Variants in ATP8B3 observed in about 807,000 individuals in gnomAD.
The protein encoded by ATP8B3 is ATPase phospholipid transporting 8B3, also known as phospholipid-transporting ATPase IK.
ATP8B3 carries 141 observed loss-of-function variants against 140.9 expected under a neutral mutation model. The ratio of observed to expected loss-of-function variants is 1.00; its 90% CI spans 0.87 to 1.15. ATP8B3 has a LOEUF of 1.15. ATP8B3 is among the 50% of genes most tolerant of loss of function. ATP8B3 has a pLI of 0.00. For missense variants in ATP8B3, 1,874 were observed against 1,740.6 expected (o/e 1.08, Z -1.36); for synonymous variants, 765 against 714.6 (o/e 1.07, Z -1.13).
intron 20 of ATP8B3, among the ~76,000 whole-genome samples, chr19:1,791,383 T>A (rs1278421662): frequency 7.5e-6 from 1 of 132,956 alleles, no homozygotes; most frequent in Non-Finnish European, 1.6e-5. Context: ...CTCTGAGAGT[T>A]GCAGCATTTT....
In ATP8B3 at chr19:1,800,719, G is replaced by A. The variant is rs1429798886; in HGVS notation, c.1153-270C>T. On this transcript the variant is annotated intron_variant, in intron 12 of 28. Coordinates refer to ENST00000310127, the MANE Select transcript of ATP8B3 (RefSeq NM_138813.4). The surrounding 1 kb of genome is among the most constrained non-coding windows in gnomAD (Gnocchi z 4.4). ...GCACACCTGTAGTCTCAGCTGCTCA[G>A]AAGGCTGAGGCCGAGGATCGCTTGA... 3.3e-5 allele frequency among the ~76,000 whole-genome samples: 5 copies of A among 152,262 alleles called. No individual in the cohort carries two copies. In the East Asian group the frequency reaches 9.7e-4, roughly 29 times the overall value.
At chr19:1,802,464 C>T (rs780841759) in intron 11 of ATP8B3, 23 bp downstream of exon 11, 3 of 1,454,718 alleles carry the variant, frequency 2.1e-6, no homozygotes, top group Non-Finnish European at 2.8e-6. Flanking sequence ...AGCTCCCACT[C>T]CAGGACCCTG....
chr19:1,786,997 T>G, intron 25 of ATP8B3, 106 bp downstream of exon 25: 1 of 1,086,556 alleles, frequency 9.2e-7, no homozygotes, highest in Non-Finnish European at 1.3e-6. Context: ...CCCCACCCCA[T>G]GGCCTGAAGG....
intron 24 of ATP8B3, among the ~76,000 whole-genome samples, chr19:1,788,327 G>C (rs1163064819): frequency 6.6e-6 from 1 of 152,200 alleles, no homozygotes; most frequent in East Asian, 1.9e-4. Context: ...CAGAAGAGGA[G>C]GTCCATGTGC....
intron 18 of ATP8B3, among the ~76,000 whole-genome samples, chr19:1,793,356 G>C (rs1456323559): frequency 1.3e-5 from 2 of 152,146 alleles, no homozygotes; most frequent in Non-Finnish European, 2.9e-5. Context: ...GCACACCTGA[G>C]CCTCAAAACG....
At position 1,800,996 on chromosome 19, in the gene ATP8B3, T is replaced by G. The variant is rs1037952655; in HGVS notation, c.1153-547A>C. ...GGCGCCCGCCACCACGCCCGGCTAA[T>G]TTTTTGTATTTTTAGTAGAGACGGG... On this transcript the variant is annotated intron_variant, in intron 12 of 28. Coordinates refer to ENST00000310127, the MANE Select transcript of ATP8B3 (RefSeq NM_138813.4). This position sits in a 1 kb window ranked among gnomAD's most constrained non-coding sequence, Gnocchi z 4.4. 1.3e-5 allele frequency among the ~76,000 whole-genome samples: 2 copies of G among 150,408 alleles called. No homozygotes were observed. Among genetic ancestry groups the G allele is most frequent in the Admixed American group, 1.3e-4 (2 of 15,094 alleles).
At chr19:1,795,593 G>A (rs573723877) in intron 18 of ATP8B3, among the ~76,000 whole-genome samples, 7 of 151,944 alleles carry the variant, frequency 4.6e-5, no homozygotes, top group Non-Finnish European at 1.0e-4. Flanking sequence ...AGAAAAAGAC[G>A]CTCTCTCTCT....
Position 1,789,885 on chromosome 19 carries a change from C to T in ATP8B3, c.2478+5G>A. The T allele has an allele frequency of 1.2e-6, 2 of 1,611,094 alleles. No individual in the cohort carries two copies. The highest frequency in any genetic ancestry group is 1.7e-6 in the Non-Finnish European group (2 of 1,178,760). ...ACCCCGCCGTCCACCCTGAGCGACA[C>T]TGACCAGGAAGTCTCCGTTAATGAC... On this transcript the variant is annotated splice_donor_5th_base_variant and intron_variant, in intron 22 of 28. Coordinates refer to ENST00000310127, the MANE Select transcript of ATP8B3 (RefSeq NM_138813.4).
intron 25 of ATP8B3, 78 bp downstream of exon 25, chr19:1,787,024 TC>T: frequency 2.2e-6 from 3 of 1,375,542 alleles, no homozygotes; most frequent in Non-Finnish European, 3.0e-6. Context: ...AGGCTCCCTC[TC>T]CCCGCCCCAA....
At chr19:1,790,905 C>T in intron 20 of ATP8B3, 73 bp from the exon 21 acceptor site, 2 of 1,372,162 alleles carry the variant, frequency 1.5e-6, no homozygotes, top group Non-Finnish European at 2.0e-6. Flanking sequence ...GCCCACTCTG[C>T]CCGGTGAATC....
chr19:1,804,814 G>C (rs1298289923), intron 10 of ATP8B3, among the ~76,000 whole-genome samples: 1 of 151,996 alleles, frequency 6.6e-6, no homozygotes, highest in African/African-American at 2.4e-5. Context: ...CTCAAAAAAA[G>C]AAAAAGAAAA....
chr19:1,786,304 G>T (rs1437821956), intron 25 of ATP8B3, among the ~76,000 whole-genome samples: 1 of 152,012 alleles, frequency 6.6e-6, no homozygotes, highest in Admixed American at 6.6e-5. Context: ...GGTGGCTCAC[G>T]CCTGTAATCC....
Position 1,790,849 on chromosome 19 carries a change from C to G in ATP8B3, c.2303-17G>C. On this transcript the variant is annotated splice_polypyrimidine_tract_variant and intron_variant, in intron 20 of 28. Coordinates refer to ENST00000310127, the MANE Select transcript of ATP8B3 (RefSeq NM_138813.4). Reference sequence around the variant, plus strand: ...CAGCCGTTTCTGCGAAGCAGACCAGCTCAGCGCCTCTGCGACCCGCCCCGC... The same window carrying G: ...CAGCCGTTTCTGCGAAGCAGACCAGGTCAGCGCCTCTGCGACCCGCCCCGC... The G allele has an allele frequency of 6.3e-7, 1 of 1,581,576 alleles. No homozygotes were observed. The highest frequency in any genetic ancestry group is 8.6e-7 in the Non-Finnish European group (1 of 1,166,526).
At chr19:1,789,217 C>G (rs1422434495) in intron 23 of ATP8B3, 97 bp from the exon 24 acceptor site, 17 of 859,036 alleles carry the variant, frequency 2.0e-5, no homozygotes, top group Non-Finnish European at 2.5e-5. Flanking sequence ...CAGCCCCCCC[C>G]ATCTGCTTCA....
intron 10 of ATP8B3, among the ~76,000 whole-genome samples, chr19:1,803,973 G>T (rs969240396): frequency 1.3e-5 from 2 of 151,614 alleles, no homozygotes; most frequent in African/African-American, 4.9e-5. Context: ...GGATGGGTGT[G>T]GCCCCCTCCA....
At chr19:1,789,310 A>G in intron 23 of ATP8B3, 51 bp downstream of exon 23, 1 of 1,279,222 alleles carries the variant, frequency 7.8e-7, no homozygotes, top group East Asian at 3.5e-5. Context: ...CGCCTCCGTC[A>G]GCCGCCCCCC....
At chr19:1,790,895 G>A in intron 20 of ATP8B3, 63 bp from the exon 21 acceptor site, 2 of 1,216,136 alleles carry the variant, frequency 1.6e-6, no homozygotes, top group Non-Finnish European at 2.2e-6. Flanking sequence ...TGGGGGCCAC[G>A]CCCACTCTGC....
At chr19:1,785,375 G>A (rs2145169002) in intron 26 of ATP8B3, 78 bp from the exon 27 acceptor site, 1 of 1,552,588 alleles carries the variant, frequency 6.4e-7, no homozygotes, top group South Asian at 1.2e-5. Context: ...GTCCAGGAAG[G>A]GCACCTGGCA....
rs1024437819 is a variant in ATP8B3, at chr19:1,811,828, T to G, written c.-92A>C. On this transcript the variant is annotated 5_prime_UTR_variant, in exon 2 of 29. Transcript: ENST00000310127. ...GGGGGAGACCCCCGTGGGGGCAGAC[T>G]GGGGATTGGAGAGTTGGAGAGAATG... is the stretch of plus-strand genomic sequence containing the variant. 8.1e-6 allele frequency: 11 copies of G among 1,357,646 alleles called. No homozygotes were observed. Among genetic ancestry groups the G allele is most frequent in the Middle Eastern group, 4.8e-4 (2 of 4,154 alleles). 84.1% of individuals were successfully genotyped at this position (1,357,646 alleles called of 1,614,324 possible).
Sources: allele counts gnomAD v4.1 joint callset (sites outside exome capture counted in the v4.1 genomes callset), GRCh38; gene constraint gnomAD v4.1.1; non-coding constraint Gnocchi (gnomAD v3.1); transcripts MANE v1.5; gene names NCBI Gene and HGNC (gene_info 2026-07-23, HGNC 2026-07-21).